ACYP2: variants seen among roughly 807,000 people sequenced by gnomAD.
ACYP2 encodes the protein acylphosphatase-2.
Under a neutral mutation model 11.2 loss-of-function variants are expected in ACYP2, and 12 were observed. That is an observed-to-expected ratio of 1.08 (90% CI 0.69 to 1.74). The LOEUF is 1.74. Among genes scored for constraint, ACYP2 ranks in the 40% most tolerant of loss-of-function variants. The probability of loss-of-function intolerance (pLI) is 0.00; values close to 1 mark genes in which losing one functional copy is unlikely to be tolerated. For missense variants in ACYP2, 134 were observed against 101.9 expected (o/e 1.31, Z -1.35); for synonymous variants, 43 against 32.2 (o/e 1.33, Z -1.13).
intron 2 of ACYP2, among the ~76,000 whole-genome samples, chr2:54,047,626 G>C (rs1156924431): frequency 6.6e-6 from 1 of 152,128 alleles, no homozygotes; most frequent in Non-Finnish European, 1.5e-5. Context: ...GTGGAGGTGA[G>C]GCCAAATGGA....
At chr2:54,291,743 T>C (rs1689316193) in intron 6 of ACYP2, among the ~76,000 whole-genome samples, 2 of 152,206 alleles carry the variant, frequency 1.3e-5, no homozygotes, top group African/African-American at 4.8e-5. Flanking sequence ...GCCTTCCTGA[T>C]ACCTGGACTG....
intron 6 of ACYP2, among the ~76,000 whole-genome samples, chr2:54,200,496 T>C (rs1038285344): frequency 6.6e-6 from 1 of 152,226 alleles, no homozygotes; most frequent in Non-Finnish European, 1.5e-5. Context: ...GGACATTTCA[T>C]ATAAATGGTA....
chr2:54,150,957 G>A (rs1382230164), intron 6 of ACYP2, among the ~76,000 whole-genome samples: 1 of 148,196 alleles, frequency 6.7e-6, no homozygotes, highest in Non-Finnish European at 1.5e-5. Context: ...TAGCCAGGAT[G>A]GTCTCGATCT....
At chr2:54,265,045 T>A (rs1259127941) in intron 6 of ACYP2, among the ~76,000 whole-genome samples, 1 of 152,164 alleles carries the variant, frequency 6.6e-6, no homozygotes, top group Non-Finnish European at 1.5e-5. Flanking sequence ...TAGGTGGAAT[T>A]ATGTAGCTAT....
chr2:54,086,690 C>T (rs533173621), intron 4 of ACYP2, among the ~76,000 whole-genome samples: 2 of 151,790 alleles, frequency 1.3e-5, no homozygotes, highest in South Asian at 4.1e-4. Context: ...TGTGTGTGCA[C>T]GCGCGCGCTA....
At chr2:54,169,241 T>G (rs1683130059) in intron 6 of ACYP2, among the ~76,000 whole-genome samples, 1 of 152,158 alleles carries the variant, frequency 6.6e-6, no homozygotes, top group South Asian at 2.1e-4. Context: ...AGTTGCATGC[T>G]TGCGTTCTTG....
intron 4 of ACYP2, among the ~76,000 whole-genome samples, chr2:54,091,853 C>G (rs1678250379): frequency 6.6e-6 from 1 of 152,148 alleles, no homozygotes; most frequent in African/African-American, 2.4e-5. Context: ...AGAGACATTT[C>G]TAGTTCCAGG....
chr2:54,017,518 G>A (rs2104542917), intron 2 of ACYP2, among the ~76,000 whole-genome samples: 1 of 152,136 alleles, frequency 6.6e-6, no homozygotes, highest in East Asian at 1.9e-4. Context: ...GCCTCCCAAA[G>A]TGCTGGGATT....
chr2:54,206,029 CATTCTGCCTAGTACTG>C (rs770476490), intron 6 of ACYP2, among the ~76,000 whole-genome samples: 1 of 152,100 alleles, frequency 6.6e-6, no homozygotes, highest in Admixed American at 6.6e-5. Flanking sequence ...GTCCAAGGAT[CATTCTGCCTAGTACTG>C]ATTCTGCCTA....
chr2:54,146,570 C>G (rs1046496090), intron 6 of ACYP2, among the ~76,000 whole-genome samples: 39 of 149,948 alleles, frequency 2.6e-4, no homozygotes, highest in Non-Finnish European at 5.4e-4. Flanking sequence ...CCACCATGCC[C>G]GGCCCCTGAT....
At chr2:54,109,813 AAT>A (rs1263637995) in intron 4 of ACYP2, among the ~76,000 whole-genome samples, 1 of 152,184 alleles carries the variant, frequency 6.6e-6, no homozygotes, top group Non-Finnish European at 1.5e-5. Flanking sequence ...AATATTAATA[AAT>A]AGTATTTTCT....
intron 6 of ACYP2, among the ~76,000 whole-genome samples, chr2:54,199,431 C>T (rs1349950333): frequency 6.6e-6 from 1 of 152,212 alleles, no homozygotes; most frequent in Non-Finnish European, 1.5e-5. Flanking sequence ...GAGCATCAGA[C>T]TAAGTCTGGG....
Position 54,197,930 on chromosome 2 carries a change from TATG to T in ACYP2, c.404+59183_404+59185del, listed in dbSNP as rs1303217909. 1.4e-4 allele frequency among the ~76,000 whole-genome samples: 17 copies of T among 125,262 alleles called. No homozygotes were observed. In the East Asian group the frequency reaches 3.3e-3, roughly 24 times the overall value. The allele number at this position is 125,262 out of a possible 152,430, so 82.2% of individuals were successfully genotyped here. A position where few individuals can be genotyped will look rare whatever the true frequency, so the allele number is the denominator to read the frequency against. ...TTTTATTTTATTATTTTATTTTATTTATGTATGTATTATATTGTATTGTATTGT... is the reference window on the plus strand; with the variant it reads ...TTTTATTTTATTATTTTATTTTATTTTATGTATTATATTGTATTGTATTGT... On this transcript the variant is annotated intron_variant, in intron 6 of 6. Coordinates refer to ENST00000607452, the MANE Select transcript of ACYP2 (RefSeq NM_001320586.2).
intron 6 of ACYP2, among the ~76,000 whole-genome samples, chr2:54,157,907 A>G (rs1558576030): frequency 6.6e-6 from 1 of 152,256 alleles, no homozygotes; most frequent in East Asian, 1.9e-4. Flanking sequence ...GCCATGCACC[A>G]GTGCAGGTAG....
chr2:54,136,757 C>G (rs537668434), intron 5 of ACYP2, among the ~76,000 whole-genome samples: 1 of 152,114 alleles, frequency 6.6e-6, no homozygotes. Context: ...AGGTGGATCA[C>G]CTGAGGTCAG....
At chr2:53,973,231 A>C (rs1671260677) in intron 1 of ACYP2, among the ~76,000 whole-genome samples, 1 of 152,128 alleles carries the variant, frequency 6.6e-6, no homozygotes, top group Admixed American at 6.5e-5. Flanking sequence ...GTAGAATAGA[A>C]ATCTGATTAT....
chr2:54,014,022 G>A (rs1246362071), intron 2 of ACYP2, among the ~76,000 whole-genome samples: 5 of 152,120 alleles, frequency 3.3e-5, no homozygotes, highest in Non-Finnish European at 7.3e-5. Context: ...GCCGGGAGTG[G>A]TGGCAGGCAC....
chr2:54,085,433 C>T (rs1333899843), intron 4 of ACYP2, among the ~76,000 whole-genome samples: 1 of 152,196 alleles, frequency 6.6e-6, no homozygotes, highest in African/African-American at 2.4e-5. Context: ...AAATCATTAT[C>T]TTACTAGTTT....
rs147383977 is a variant in ACYP2 at position 54,137,821 on chromosome 2, T to C, written c.295-818T>C. Among the ~76,000 whole-genome samples the C allele has an allele frequency of 7.0e-3, 1,070 of 152,322 alleles. 11 individuals carry two copies. The highest frequency in any genetic ancestry group is 0.025 in the African/African-American group (1,021 of 41,560). ...CCAATAATGGAATTGCCGGGTCACA[T>C]TGTAGTTCTGTTTTTAGCTCTTTGA... On this transcript the variant is annotated intron_variant, in intron 5 of 6. Transcript: ENST00000607452.
Sources: allele counts gnomAD v4.1 joint callset (sites outside exome capture counted in the v4.1 genomes callset), GRCh38; gene constraint gnomAD v4.1.1; transcripts MANE v1.5; gene names NCBI Gene and HGNC (gene_info 2026-07-23, HGNC 2026-07-21).